The following CTNNA2 variants were observed in gnomAD, a reference collection of about 807,000 sequenced individuals.
The protein encoded by CTNNA2 is catenin alpha-2.
A neutral mutation model predicts 101.0 loss-of-function variants in CTNNA2; 42 were observed. The observed-to-expected ratio is 0.42, with a 90% confidence interval of 0.32 to 0.54. CTNNA2 has a LOEUF of 0.54. Ranked by LOEUF, CTNNA2 falls within the 20% of genes least tolerant of loss-of-function variation. The pLI is 0.14. For missense variants in CTNNA2, 871 were observed against 1,223.1 expected (o/e 0.71, Z 4.29); for synonymous variants, 450 against 456.4 (o/e 0.99, Z 0.18).
intron 7 of CTNNA2, among the ~76,000 whole-genome samples, chr2:80,070,837 G>T (rs1466943622): frequency 6.6e-6 from 1 of 152,110 alleles, no homozygotes. Context: ...CCAGCTGCTG[G>T]TGGCTACCTA....
intron 1 of CTNNA2, among the ~76,000 whole-genome samples, chr2:79,187,270 C>CTT (rs781414965): frequency 5.0e-4 from 33 of 65,438 alleles, no homozygotes; most frequent in South Asian, 2.6e-3. Flanking sequence ...CTTTTCTTTT[C>CTT]TTTTTTTTTT....
intron 8 of CTNNA2, among the ~76,000 whole-genome samples, chr2:80,413,522 C>T (rs1251399996): frequency 1.3e-5 from 2 of 152,112 alleles, no homozygotes. Context: ...ATGAAGAGTG[C>T]CTTCATTACC....
intron 7 of CTNNA2, among the ~76,000 whole-genome samples, chr2:80,039,542 G>C (rs1032600636): frequency 2.0e-5 from 3 of 152,188 alleles, no homozygotes; most frequent in Non-Finnish European, 4.4e-5. Flanking sequence ...TTGCCTAAAA[G>C]AGCAGGGACC....
chr2:80,175,592 G>T (rs773845209), intron 7 of CTNNA2, among the ~76,000 whole-genome samples: 3 of 152,132 alleles, frequency 2.0e-5, no homozygotes, highest in Non-Finnish European at 2.9e-5. Context: ...GCTCTCTCAT[G>T]TTGTATTAGT....
At chr2:79,714,306 G>T (rs1409661516) in intron 2 of CTNNA2, among the ~76,000 whole-genome samples, 2 of 151,764 alleles carry the variant, frequency 1.3e-5, no homozygotes, top group African/African-American at 2.4e-5. Flanking sequence ...ATTATGTGTT[G>T]TTTAACCACA....
At chr2:80,423,082 C>A (rs1255355213) in intron 9 of CTNNA2, among the ~76,000 whole-genome samples, 1 of 151,098 alleles carries the variant, frequency 6.6e-6, no homozygotes, top group Non-Finnish European at 1.5e-5. Context: ...AATTAGTATG[C>A]TCTCTTTTTT....
intron 7 of CTNNA2, among the ~76,000 whole-genome samples, chr2:80,187,119 G>A (rs1706178656): frequency 6.6e-6 from 1 of 152,166 alleles, no homozygotes; most frequent in African/African-American, 2.4e-5. Context: ...AATTGGTATT[G>A]TAGTACACAC....
chr2:79,342,025 T>C (rs990447488), intron 3 of CTNNA2, among the ~76,000 whole-genome samples: 10 of 152,316 alleles, frequency 6.6e-5, no homozygotes, highest in Admixed American at 5.9e-4. Flanking sequence ...GGGCAAATTA[T>C]TTGCTCTCAC....
intron 7 of CTNNA2, among the ~76,000 whole-genome samples, chr2:80,138,095 T>A (rs149143801): frequency 6.1e-4 from 93 of 152,282 alleles, no homozygotes; most frequent in African/African-American, 2.2e-3. Context: ...TGACAAACCT[T>A]CAATCCTTTG....
chr2:79,786,754 C>G (rs1031347216), intron 3 of CTNNA2, among the ~76,000 whole-genome samples: 3 of 152,080 alleles, frequency 2.0e-5, no homozygotes, highest in Non-Finnish European at 4.4e-5. Flanking sequence ...AAGTACTCCC[C>G]AACCTGCTAC....
chr2:80,232,810 T>C (rs1709332548), intron 7 of CTNNA2, among the ~76,000 whole-genome samples: 1 of 152,100 alleles, frequency 6.6e-6, no homozygotes, highest in African/African-American at 2.4e-5. Context: ...CTACTTCCTA[T>C]AACCAAACAA....
intron 1 of CTNNA2, among the ~76,000 whole-genome samples, chr2:79,537,250 C>G (rs1322937734): frequency 6.6e-6 from 1 of 152,170 alleles, no homozygotes; most frequent in East Asian, 1.9e-4. Context: ...TAGAAATTAA[C>G]AAGCCCTTGA....
intron 15 of CTNNA2, among the ~76,000 whole-genome samples, chr2:80,599,413 C>T (rs1331703821): frequency 6.6e-6 from 1 of 152,150 alleles, no homozygotes; most frequent in Non-Finnish European, 1.5e-5. Context: ...AAGCCAAATT[C>T]AAGGTCTTCT....
At position 80,522,932 on chromosome 2, in the gene CTNNA2, G is replaced by A. The variant is rs544239373; in HGVS notation, c.1291-22050G>A. ...ATAGTGACACTGAGCAGGAGAAGAC[G>A]GGGTCCTGTGGTGCATATGTTTTGT... On this transcript the variant is annotated intron_variant, in intron 9 of 18. Transcript: ENST00000402739. 3.0e-4 allele frequency among the ~76,000 whole-genome samples: 45 copies of A among 152,238 alleles called. 1 individual carries two copies. The South Asian group carries it at 8.1e-3, about 27-fold the overall frequency.
intron 4 of CTNNA2, among the ~76,000 whole-genome samples, chr2:79,384,177 G>T (rs540372949): frequency 8.3e-4 from 127 of 152,280 alleles, no homozygotes; most frequent in Non-Finnish European, 1.0e-3. Flanking sequence ...AGCGTAAATT[G>T]CAGACCCATC....
At chr2:79,274,259 C>T (rs1307253366) in intron 2 of CTNNA2, among the ~76,000 whole-genome samples, 1 of 152,014 alleles carries the variant, frequency 6.6e-6, no homozygotes, top group Non-Finnish European at 1.5e-5. Context: ...CCAGGAGAGA[C>T]TTGTGAGTGG....
intron 2 of CTNNA2, among the ~76,000 whole-genome samples, chr2:79,655,091 C>G (rs894904000): frequency 2.6e-5 from 4 of 152,098 alleles, no homozygotes; most frequent in African/African-American, 7.2e-5. Flanking sequence ...AAAAATGTAG[C>G]CTTTCATCAC....
At chr2:80,015,966 G>A (rs777952417) in intron 7 of CTNNA2, among the ~76,000 whole-genome samples, 1 of 152,150 alleles carries the variant, frequency 6.6e-6, no homozygotes, top group Non-Finnish European at 1.5e-5. Flanking sequence ...AAGGACAGCC[G>A]TGACTTTAAG....
intron 4 of CTNNA2, among the ~76,000 whole-genome samples, chr2:79,451,913 A>G (rs1380695342): frequency 1.3e-5 from 2 of 151,988 alleles, no homozygotes; most frequent in Non-Finnish European, 2.9e-5. Context: ...CTATTTTTCA[A>G]TGAACAACAT....
Sources: gnomAD v4.1 joint callset for allele counts (sites outside exome capture counted in the v4.1 genomes callset) on GRCh38, gnomAD v4.1.1 for gene constraint, MANE v1.5 for transcripts, NCBI Gene and HGNC (gene_info 2026-07-23, HGNC 2026-07-21) for gene names.